Variants in DGKD observed in about 807,000 individuals in gnomAD.
DGKD encodes diacylglycerol kinase delta, also known as DAG kinase delta.
Under a neutral mutation model 154.4 loss-of-function variants are expected in DGKD, and 68 were observed. The ratio of observed to expected loss-of-function variants is 0.44; its 90% CI spans 0.36 to 0.54. The LOEUF (loss-of-function observed/expected upper bound fraction) is 0.54. DGKD is among the 20% of genes least tolerant of loss of function. The pLI, the probability that DGKD is intolerant of heterozygous loss-of-function variation, is 0.00. For synonymous variants in DGKD, 693 were observed against 638.0 expected (o/e 1.09, Z -1.30); for missense variants, 1,343 against 1,593.6 (o/e 0.84, Z 2.68).
Position 233,449,850 on chromosome 2 carries a change from T to A in DGKD, c.1889-132T>A. On this transcript the variant is annotated intron_variant, in intron 15 of 29. Coordinates refer to ENST00000264057, the MANE Select transcript of DGKD (RefSeq NM_152879.3). The surrounding 1 kb of genome is among the most constrained non-coding windows in gnomAD (Gnocchi z 5.3). Reference sequence around the variant, plus strand: ...GATGGGTGGGGGTGGGGTTTCGGAGTCCAAGCCTTTAGCCAGAGGTTGTTT... The same window carrying A: ...GATGGGTGGGGGTGGGGTTTCGGAGACCAAGCCTTTAGCCAGAGGTTGTTT... The A allele has an allele frequency of 8.7e-7, 1 of 1,146,048 alleles. No homozygotes were observed. The highest frequency in any genetic ancestry group is 1.2e-6 in the Non-Finnish European group (1 of 843,200). The allele number at this position is 1,146,048 out of a possible 1,614,324, so 71.0% of individuals were successfully genotyped here.
intron 1 of DGKD, among the ~76,000 whole-genome samples, chr2:233,355,167 G>A (rs1479230892): frequency 1.3e-5 from 2 of 152,050 alleles, no homozygotes; most frequent in African/African-American, 2.4e-5. Context: ...AAGTCCGCTC[G>A]GACCCGGGTG....
chr2:233,446,818 C>T (rs377469488), intron 12 of DGKD, 22 bp downstream of exon 12: 3 of 1,613,484 alleles, frequency 1.9e-6, no homozygotes, highest in Non-Finnish European at 2.5e-6. Flanking sequence ...CTGTTCTTCA[C>T]ACCCTGCTCG....
chr2:233,434,334 ACTTGCCTTTTGTT>A, intron 3 of DGKD, 33 bp from the exon 4 acceptor site: 1 of 1,475,192 alleles, frequency 6.8e-7, no homozygotes, highest in Non-Finnish European at 9.5e-7. Flanking sequence ...AGCTATCAGC[ACTTGCCTTTTGTT>A]CATGGATCTG....
chr2:233,367,888 C>T (rs1398210230), intron 1 of DGKD, among the ~76,000 whole-genome samples: 2 of 144,236 alleles, frequency 1.4e-5, no homozygotes, highest in South Asian at 4.4e-4. Flanking sequence ...GTGGGATCTC[C>T]CTACGTTAAG....
chr2:233,442,159 A>T lies in DGKD; in HGVS notation c.1194+164A>T, dbSNP rs914478636. 35 of 741,148 alleles carry T rather than the reference A, an allele frequency of 4.7e-5. No individual in the cohort carries two copies. In the African/African-American group the frequency reaches 5.7e-4, roughly 12 times the overall value. 45.9% of individuals were successfully genotyped at this position (741,148 alleles called of 1,614,324 possible). ...GTTTGGTGGCCAGGGCAGAGAGGGG[A>T]GAGCCTGGGCCACCCCCTGGCATTG... On this transcript the variant is annotated intron_variant, in intron 10 of 29. Transcript: ENST00000264057.
At chr2:233,363,929 C>T (rs913458834) in intron 1 of DGKD, among the ~76,000 whole-genome samples, 2 of 152,156 alleles carry the variant, frequency 1.3e-5, no homozygotes, top group Admixed American at 6.6e-5. Flanking sequence ...GAAATCACCT[C>T]ATAACACATT....
At position 233,441,646 on chromosome 2, in the gene DGKD, C is replaced by T. The variant is rs972414053; in HGVS notation, c.1086-241C>T. Among the ~76,000 whole-genome samples, 6 of 151,694 alleles carry T rather than the reference C, an allele frequency of 4.0e-5. No homozygotes were observed. The highest frequency in any genetic ancestry group is 8.9e-5 in the Non-Finnish European group (6 of 67,728). On this transcript the variant is annotated intron_variant, in intron 9 of 29. Coordinates refer to ENST00000264057, the MANE Select transcript of DGKD (RefSeq NM_152879.3). This position sits in a 1 kb window ranked among gnomAD's most constrained non-coding sequence, Gnocchi z 5.6. Reference sequence around the variant, plus strand: ...GGCTCACCAAGCTGAGTGGTCTTGTCGCTGGGTGGGGCGTGGCTGGTGGGA... The same window carrying T: ...GGCTCACCAAGCTGAGTGGTCTTGTTGCTGGGTGGGGCGTGGCTGGTGGGA...
At chr2:233,364,648 TA>T (rs1701939846) in intron 1 of DGKD, among the ~76,000 whole-genome samples, 1 of 152,070 alleles carries the variant, frequency 6.6e-6, no homozygotes, top group African/African-American at 2.4e-5. Context: ...ATAGCTAAGC[TA>T]AACAAGAAAA....
At chr2:233,466,021 C>T (rs1023363856) in intron 27 of DGKD, among the ~76,000 whole-genome samples, 2 of 152,096 alleles carry the variant, frequency 1.3e-5, no homozygotes, top group African/African-American at 2.4e-5. Flanking sequence ...TAGTCATCAA[C>T]TTATGACAGT....
At chr2:233,379,327 A>G (rs1702759995) in intron 1 of DGKD, among the ~76,000 whole-genome samples, 1 of 152,170 alleles carries the variant, frequency 6.6e-6, no homozygotes, top group Admixed American at 6.5e-5. Flanking sequence ...ATATTCAAAA[A>G]AGTGGGGAAA....
At position 233,459,304 on chromosome 2, in the gene DGKD, G is replaced by A. The variant is rs1026683760; in HGVS notation, c.2695-453G>A. Among the ~76,000 whole-genome samples the A allele has an allele frequency of 2.6e-5, 4 of 152,170 alleles. No homozygotes were observed. The highest frequency in any genetic ancestry group is 4.4e-5 in the Non-Finnish European group (3 of 68,032). On this transcript the variant is annotated intron_variant, in intron 22 of 29. Transcript: ENST00000264057. The surrounding 1 kb of genome is among the most constrained non-coding windows in gnomAD (Gnocchi z 5.7). ...CTCTGTCTACCCTTAGCTGTAGGCT[G>A]CTTGAAGTTCACAATTTTCACTCTT...
intron 1 of DGKD, among the ~76,000 whole-genome samples, chr2:233,382,143 A>C (rs915873792): frequency 6.6e-6 from 1 of 152,202 alleles, no homozygotes; most frequent in Non-Finnish European, 1.5e-5. Flanking sequence ...GTGAGGCAGG[A>C]GAATTGCTTG....
At chr2:233,429,368 C>T in intron 3 of DGKD, 2 of 968,402 alleles carry the variant, frequency 2.1e-6, no homozygotes, top group Non-Finnish European at 2.5e-6. Context: ...AAAACTCACC[C>T]AGGGTGAACA....
At chr2:233,442,877 T>C (rs1254526370) in intron 10 of DGKD, among the ~76,000 whole-genome samples, 1 of 152,208 alleles carries the variant, frequency 6.6e-6, no homozygotes, top group African/African-American at 2.4e-5. Flanking sequence ...GTGCTGGGAT[T>C]ACAGGCATGA....
chr2:233,399,614 C>G (rs2061508959), intron 3 of DGKD, among the ~76,000 whole-genome samples: 1 of 152,116 alleles, frequency 6.6e-6, no homozygotes, highest in Non-Finnish European at 1.5e-5. Context: ...GGTGAGCAGC[C>G]TCTGAGGCAG....
In DGKD at chr2:233,449,350, G is replaced by A. The variant is rs778246309; in HGVS notation, c.1862G>A (p.Arg621His). ...GCCAACAGCCTGAAGAAAGCAATTC[G>A]TCAGATCATAGAACACACAGAAAAA... ...LRANSLKKAI[R>H]QIIEHTEKAV... Residue 621 changes from arginine to histidine, a missense_variant, in exon 15 of 30, where the codon CGT becomes CAT. Physicochemically the swap from Arg to His is conservative, Grantham distance 29. Coordinates refer to ENST00000264057, the MANE Select transcript of DGKD (RefSeq NM_152879.3). The surrounding 1 kb of genome is among the most constrained non-coding windows in gnomAD (Gnocchi z 5.3). 7.5e-6 allele frequency: 12 copies of A among 1,604,946 alleles called. No individual in the cohort carries two copies. Among genetic ancestry groups the A allele is most frequent in the Non-Finnish European group, 8.5e-6 (10 of 1,172,442 alleles).
intron 11 of DGKD, among the ~76,000 whole-genome samples, chr2:233,446,503 C>T (rs567826530): frequency 1.3e-5 from 2 of 152,250 alleles, no homozygotes; most frequent in African/African-American, 4.8e-5. Context: ...AGACCTTCCT[C>T]TCTTTATGGA....
At chr2:233,432,528 G>A (rs1277299354) in intron 3 of DGKD, among the ~76,000 whole-genome samples, 4 of 152,048 alleles carry the variant, frequency 2.6e-5, no homozygotes, top group African/African-American at 4.8e-5. Context: ...GTGTGGTGGC[G>A]GGCGCCTGTA....
chr2:233,447,656 C>T (rs1301252277), intron 12 of DGKD: 1 of 1,010,816 alleles, frequency 9.9e-7, no homozygotes, highest in Non-Finnish European at 1.2e-6. Context: ...GGCTGCCCTT[C>T]TGACAGCCAG....
Sources: allele counts gnomAD v4.1 joint callset (sites outside exome capture counted in the v4.1 genomes callset), GRCh38; gene constraint gnomAD v4.1.1; non-coding constraint Gnocchi (gnomAD v3.1); transcripts MANE v1.5; gene names NCBI Gene and HGNC (gene_info 2026-07-23, HGNC 2026-07-21).